Variants in LTN1 observed in about 807,000 individuals in gnomAD.
The protein encoded by LTN1 is listerin E3 ubiquitin protein ligase 1.
LTN1 carries 88 observed loss-of-function variants against 201.2 expected under a neutral mutation model. The observed-to-expected ratio is 0.44, with a 90% CI of 0.37 to 0.52. The LOEUF (loss-of-function observed/expected upper bound fraction) is 0.52, where lower values mean the gene tolerates loss of function less well. Among genes scored for constraint, LTN1 ranks in the 20% least tolerant of loss-of-function variants. The pLI is 0.00. For synonymous variants in LTN1, 645 were observed against 713.5 expected (o/e 0.90, Z 1.53); for missense variants, 1,752 against 2,038.7 (o/e 0.86, Z 2.71).
chr21:28,965,901 G>C lies in LTN1; in HGVS notation c.2127C>G (p.Asp709Glu). The stretch of plus-strand genomic sequence containing the variant: ...TCTTAAGAAGAGAATTCCATTTCAA[G>C]TCCACCTGAAAAAAGAAAAAGAGTT... ...KKVLDDLTKVDLKWNSLLKII... is the reference protein window; with the variant it reads ...KKVLDDLTKVELKWNSLLKII... The change falls in exon 11 of 30, where the codon GAC (aspartate) becomes GAG (glutamate). Residue 709 changes from aspartate (D) to glutamate (E), a missense_variant. By Grantham distance (45) the Asp-to-Glu change is conservative. Transcript: ENST00000361371. The C allele has an allele frequency of 6.6e-7, 1 of 1,521,904 alleles. No individual in the cohort carries two copies. Among genetic ancestry groups the C allele is most frequent in the South Asian group, 1.2e-5 (1 of 83,660 alleles). The allele number at this position is 1,521,904 out of a possible 1,614,324, so 94.3% of individuals were successfully genotyped here.
chr21:28,975,617 A>G (rs1332571916), intron 6 of LTN1, among the ~76,000 whole-genome samples: 1 of 152,196 alleles, frequency 6.6e-6, no homozygotes, highest in Non-Finnish European at 1.5e-5. Context: ...CCTCGTGTCC[A>G]TGGGGATGAA....
intron 12 of LTN1, among the ~76,000 whole-genome samples, chr21:28,960,302 A>C (rs1002767352): frequency 2.6e-5 from 4 of 151,814 alleles, no homozygotes; most frequent in Admixed American, 6.6e-5. Flanking sequence ...AGATGTTGTA[A>C]GCCAAGATCA....
Position 28,986,172 on chromosome 21 carries a change from T to C in LTN1, c.312A>G (p.Pro104=). 1 of 1,613,028 alleles carries C rather than the reference T, an allele frequency of 6.2e-7. No individual in the cohort carries two copies. Among genetic ancestry groups the C allele is most frequent in the South Asian group, 1.1e-5 (1 of 91,058 alleles). Reference sequence around the variant, plus strand: ...TTTTGCAAAAAATTCTTGGCCAATATGGAAGAACTCCTTTCACAGTTTCTG... The same window carrying C: ...TTTTGCAAAAAATTCTTGGCCAATACGGAAGAACTCCTTTCACAGTTTCTG... ...RDTETVKGVL[P]YWPRIFCKIS... The change falls in exon 3 of 30, where the codon CCA becomes CCG. Residue 104 remains proline (P), a synonymous_variant. Coordinates refer to ENST00000361371, the MANE Select transcript of LTN1 (RefSeq NM_015565.3). The surrounding 1 kb of genome is among the most constrained non-coding windows in gnomAD (Gnocchi z 4.1).
chr21:28,991,030 G>A (rs182324756), intron 1 of LTN1, among the ~76,000 whole-genome samples: 2 of 152,062 alleles, frequency 1.3e-5, no homozygotes, highest in East Asian at 3.9e-4. Flanking sequence ...CTAGCTACTG[G>A]AAAGGCTAAG....
chr21:28,977,823 G>A (rs950268172), intron 6 of LTN1, among the ~76,000 whole-genome samples: 3 of 152,112 alleles, frequency 2.0e-5, no homozygotes, highest in African/African-American at 7.2e-5. Context: ...AGCTACTCGG[G>A]AGGCTAAGGG....
chr21:28,946,344 T>TA (rs1294690742), intron 19 of LTN1, 57 bp from the exon 20 acceptor site: 42 of 1,171,790 alleles, frequency 3.6e-5, no homozygotes, highest in East Asian at 5.4e-5. Context: ...TCGCTACTAT[T>TA]AAAAAAAAGT....
At chr21:28,961,834 A>G (rs2084481677) in intron 11 of LTN1, among the ~76,000 whole-genome samples, 1 of 152,280 alleles carries the variant, frequency 6.6e-6, no homozygotes, top group East Asian at 1.9e-4. Flanking sequence ...AACACGGTGA[A>G]ACCTTGTCTC....
chr21:28,969,641 A>G, intron 8 of LTN1, 40 bp from the exon 9 acceptor site: 1 of 1,480,434 alleles, frequency 6.8e-7, no homozygotes, highest in Non-Finnish European at 9.1e-7. Flanking sequence ...TTTCATGAAG[A>G]AGAAACAAGA....
chr21:28,975,550 G>A (rs935475165), intron 6 of LTN1, among the ~76,000 whole-genome samples: 1 of 152,176 alleles, frequency 6.6e-6, no homozygotes, highest in African/African-American at 2.4e-5. Flanking sequence ...GCTCTGCTTT[G>A]TAGAAGTAAA....
In LTN1 at chr21:28,960,743, G is replaced by A. The variant is rs75212255; in HGVS notation, c.2164-37C>T. ...AAATTAAAGCAAAGATTAACAGCAA[G>A]ATCAAATACTCTCTCTGTCCAAAAT... On this transcript the variant is annotated intron_variant, in intron 11 of 29. Transcript: ENST00000361371. 1,650 of 1,398,398 alleles carry A rather than the reference G, an allele frequency of 1.2e-3. 6 individuals carry two copies. In the East Asian group the frequency reaches 0.013, roughly 11 times the overall value. 86.6% of individuals were successfully genotyped at this position (1,398,398 alleles called of 1,614,324 possible).
chr21:28,931,069 GTGTGTGT>G (rs2084207008), intron 29 of LTN1, 79 bp downstream of exon 29: 79 of 319,110 alleles, frequency 2.5e-4, no homozygotes, highest in Non-Finnish European at 3.2e-4. Flanking sequence ...TTGTGTAGGT[GTGTGTGT>G]GTGTGTGTGT....
chr21:28,984,636 A>T, intron 4 of LTN1, 56 bp downstream of exon 4: 1 of 1,292,342 alleles, frequency 7.7e-7, no homozygotes, highest in Non-Finnish European at 1.1e-6. Context: ...CATTATGCTT[A>T]TAACCCTTAA....
intron 26 of LTN1, among the ~76,000 whole-genome samples, chr21:28,936,246 G>T (rs1197329697): frequency 3.9e-5 from 6 of 152,152 alleles, no homozygotes; most frequent in Admixed American, 6.5e-5. Context: ...TGATTTATAT[G>T]CCTATAAAAT....
chr21:28,957,088 A>T, intron 15 of LTN1, 140 bp from the exon 16 acceptor site: 1 of 677,620 alleles, frequency 1.5e-6, no homozygotes, highest in Non-Finnish European at 2.4e-6. Context: ...AATTATCAAC[A>T]TGTGTATTTC....
chr21:28,986,968 T>G lies in LTN1; in HGVS notation c.43-34A>C. The stretch of plus-strand genomic sequence containing the variant: ...AAAATTACGGAGAAAAAAGTCAGAG[T>G]CCAGGAAGGGTTCAAAACTTAACTT... On this transcript the variant is annotated intron_variant, in intron 1 of 29. Coordinates refer to ENST00000361371, the MANE Select transcript of LTN1 (RefSeq NM_015565.3). The surrounding 1 kb of genome is among the most constrained non-coding windows in gnomAD (Gnocchi z 4.1). The G allele has an allele frequency of 2.1e-6, 3 of 1,460,730 alleles. No homozygotes were observed. The highest frequency in any genetic ancestry group is 2.9e-6 in the Non-Finnish European group (3 of 1,041,194). The allele number at this position is 1,460,730 out of a possible 1,614,324, so 90.5% of individuals were successfully genotyped here.
chr21:28,947,799 T>A (rs965355951), intron 18 of LTN1, among the ~76,000 whole-genome samples, 193 bp from the exon 19 acceptor site: 1 of 151,990 alleles, frequency 6.6e-6, no homozygotes, highest in African/African-American at 2.4e-5. Flanking sequence ...TTTTCTCTTT[T>A]CTGCATAAAT....
chr21:28,977,126 C>T (rs12626991), intron 6 of LTN1, among the ~76,000 whole-genome samples: 17,297 of 152,184 alleles, frequency 0.11, 1,285 homozygotes, highest in East Asian at 0.39. Flanking sequence ...GTAATCCCAG[C>T]ACTCTGGGAG....
chr21:28,987,721 CTTA>C (rs2084709202), intron 1 of LTN1, among the ~76,000 whole-genome samples: 3 of 152,200 alleles, frequency 2.0e-5, no homozygotes, highest in African/African-American at 7.2e-5. Flanking sequence ...AAGAAATTAA[CTTA>C]TTGTTATCTA....
At chr21:28,959,720 A>T in intron 12 of LTN1, 23 bp from the exon 13 acceptor site, 1 of 1,541,810 alleles carries the variant, frequency 6.5e-7, no homozygotes, top group East Asian at 2.3e-5. Context: ...AGGTTCAAAC[A>T]GACAAAAAAT....
Sources: gnomAD v4.1 joint callset for allele counts (sites outside exome capture counted in the v4.1 genomes callset) on GRCh38, gnomAD v4.1.1 for gene constraint, Gnocchi (gnomAD v3.1) non-coding constraint, MANE v1.5 for transcripts, NCBI Gene and HGNC (gene_info 2026-07-23, HGNC 2026-07-21) for gene names.